CEP70: variants seen among roughly 807,000 people sequenced by gnomAD.
CEP70 encodes centrosomal protein 70.
Under a neutral mutation model 90.9 loss-of-function variants are expected in CEP70, and 70 were observed. The ratio of observed to expected loss-of-function variants is 0.77; its 90% CI spans 0.64 to 0.94. The LOEUF (loss-of-function observed/expected upper bound fraction) is 0.94. Among genes scored for constraint, CEP70 ranks in the 40% least tolerant of loss-of-function variants. The pLI is 0.00. For missense variants in CEP70, 648 were observed against 669.0 expected (o/e 0.97, Z 0.35); for synonymous variants, 220 against 228.3 (o/e 0.96, Z 0.33).
chr3:138,525,748 C>T (rs1022965064), intron 10 of CEP70, among the ~76,000 whole-genome samples, 184 bp from the exon 11 acceptor site: 1 of 152,128 alleles, frequency 6.6e-6, no homozygotes. Flanking sequence ...TCTCTGTAAT[C>T]CCTTATTCAA....
intron 7 of CEP70, among the ~76,000 whole-genome samples, chr3:138,536,765 T>G (rs1236099619): frequency 1.3e-5 from 2 of 151,218 alleles, no homozygotes; most frequent in East Asian, 3.9e-4. Flanking sequence ...AAATCAATGA[T>G]GATTTTTTTT....
chr3:138,529,342 A>G, intron 9 of CEP70, 33 bp downstream of exon 9: 1 of 1,571,542 alleles, frequency 6.4e-7, no homozygotes, highest in Non-Finnish European at 8.7e-7. Context: ...TTAGTTTATT[A>G]AAAAGTATTT....
At chr3:138,540,554 T>A (rs1054582126) in intron 6 of CEP70, among the ~76,000 whole-genome samples, 1 of 149,600 alleles carries the variant, frequency 6.7e-6, no homozygotes, top group Non-Finnish European at 1.5e-5. Flanking sequence ...TGAGATACCA[T>A]CTCACACCAG....
chr3:138,560,350 A>G (rs2040315227), intron 6 of CEP70, among the ~76,000 whole-genome samples: 1 of 152,158 alleles, frequency 6.6e-6, no homozygotes, highest in Admixed American at 6.5e-5. Flanking sequence ...CGCTTTTCCC[A>G]TGGTCTTCAC....
At chr3:138,591,062 G>A (rs978626780) in intron 2 of CEP70, among the ~76,000 whole-genome samples, 5 of 152,142 alleles carry the variant, frequency 3.3e-5, no homozygotes, top group South Asian at 2.1e-4. Context: ...TAAAGGAAAT[G>A]CTAACCTAAC....
At chr3:138,584,478 A>AG (rs993912304) in intron 2 of CEP70, among the ~76,000 whole-genome samples, 118 of 149,154 alleles carry the variant, frequency 7.9e-4, no homozygotes, top group Non-Finnish European at 9.8e-4. Flanking sequence ...AAAAAAAAAA[A>AG]AGAGAGAGAG....
At chr3:138,518,208 C>G (rs1166204129) in intron 11 of CEP70, among the ~76,000 whole-genome samples, 1 of 152,228 alleles carries the variant, frequency 6.6e-6, no homozygotes, top group Non-Finnish European at 1.5e-5. Flanking sequence ...GTGGAGCCCA[C>G]CGCAGCTCAA....
chr3:138,574,558 T>C lies in CEP70; in HGVS notation c.-5-1626A>G, dbSNP rs139002146. Among the ~76,000 whole-genome samples the C allele has an allele frequency of 4.8e-3, 728 of 152,314 alleles. 4 individuals are homozygous for C. Among genetic ancestry groups the C allele is most frequent in the African/African-American group, 0.017 (699 of 41,570 alleles). ...CAGCAGAAACTTCTGCAGACTTAAA[T>C]GTCCCTGTCTGACAGCTCTGAAGAC... On this transcript the variant is annotated intron_variant, in intron 2 of 17. Transcript: ENST00000264982.
At chr3:138,564,168 T>C (rs185324755) in intron 6 of CEP70, among the ~76,000 whole-genome samples, 44 of 152,250 alleles carry the variant, frequency 2.9e-4, no homozygotes, top group South Asian at 1.0e-3. Context: ...AATCCCTAAA[T>C]AGACCAATAA....
At chr3:138,536,208 C>A (rs1560358112) in intron 7 of CEP70, among the ~76,000 whole-genome samples, 1 of 151,882 alleles carries the variant, frequency 6.6e-6, no homozygotes, top group African/African-American at 2.4e-5. Flanking sequence ...TATATAATAT[C>A]CATACTACTT....
chr3:138,543,164 G>A (rs1560374351), intron 6 of CEP70, among the ~76,000 whole-genome samples: 1 of 152,284 alleles, frequency 6.6e-6, no homozygotes, highest in East Asian at 1.9e-4. Flanking sequence ...GTTTCACTGA[G>A]GACCTGCCCC....
intron 6 of CEP70, among the ~76,000 whole-genome samples, chr3:138,550,810 T>C (rs1443218214): frequency 6.6e-6 from 1 of 152,076 alleles, no homozygotes; most frequent in Non-Finnish European, 1.5e-5. Flanking sequence ...ATTAACCCAA[T>C]CCAACAATGA....
intron 5 of CEP70, 109 bp downstream of exon 5, chr3:138,570,925 A>G: frequency 1.1e-6 from 1 of 883,970 alleles, no homozygotes; most frequent in South Asian, 2.6e-5. Flanking sequence ...AATATTTTTT[A>G]GTTTAATATT....
At chr3:138,569,249 T>C (rs1165530521) in intron 6 of CEP70, among the ~76,000 whole-genome samples, 3 of 152,162 alleles carry the variant, frequency 2.0e-5, no homozygotes, top group Non-Finnish European at 4.4e-5. Flanking sequence ...CTTCCAATAC[T>C]GCCAGCACAC....
chr3:138,570,957 T>C (rs1314538441), intron 5 of CEP70, 77 bp downstream of exon 5: 1 of 1,227,730 alleles, frequency 8.1e-7, no homozygotes. Context: ...GGAAATTAAA[T>C]TTCAAGATTT....
chr3:138,567,867 T>C (rs542260554), intron 6 of CEP70, among the ~76,000 whole-genome samples: 1 of 152,234 alleles, frequency 6.6e-6, no homozygotes, highest in African/African-American at 2.4e-5. Flanking sequence ...TGTTACAGAG[T>C]CCTGACTGAG....
intron 6 of CEP70, among the ~76,000 whole-genome samples, chr3:138,561,143 C>T (rs977821237): frequency 5.9e-5 from 9 of 152,046 alleles, no homozygotes; most frequent in African/African-American, 2.2e-4. Context: ...CAGGAGAGCT[C>T]CAGCTGGCAT....
In CEP70 at chr3:138,494,843, G is replaced by C. The variant is rs1240779005; in HGVS notation, c.*172C>G. ...ACCCTTGCAACTATTTTCTGTATAA[G>C]AATCTCAAAGTTAATAAAAATTATA... On this transcript the variant is annotated 3_prime_UTR_variant, in exon 18 of 18. Coordinates refer to ENST00000264982, the MANE Select transcript of CEP70 (RefSeq NM_024491.4). 4.0e-6 allele frequency: 2 copies of C among 494,402 alleles called. No individual in the cohort carries two copies. The highest frequency in any genetic ancestry group is 2.0e-5 in the African/African-American group (1 of 50,166). 30.6% of individuals were successfully genotyped at this position (494,402 alleles called of 1,614,324 possible).
At chr3:138,578,217 T>C (rs2041657713) in intron 2 of CEP70, among the ~76,000 whole-genome samples, 1 of 152,164 alleles carries the variant, frequency 6.6e-6, no homozygotes, top group South Asian at 2.1e-4. Flanking sequence ...ACTATTTATA[T>C]CAAAAGCTGG....
Sources: gnomAD v4.1 joint callset for allele counts (sites outside exome capture counted in the v4.1 genomes callset) on GRCh38, gnomAD v4.1.1 for gene constraint, MANE v1.5 for transcripts, NCBI Gene and HGNC (gene_info 2026-07-23, HGNC 2026-07-21) for gene names.